The following UNC79 variants were observed in gnomAD, a reference collection of about 807,000 sequenced individuals.
UNC79 encodes protein unc-79 homolog.
A neutral mutation model predicts 283.1 loss-of-function variants in UNC79; 37 were observed. The observed-to-expected ratio is 0.13, with a 90% CI of 0.10 to 0.17. UNC79 has a LOEUF of 0.17. Ranked by LOEUF, UNC79 falls within the 10% of genes least tolerant of loss-of-function variation. The pLI, the probability that UNC79 is intolerant of heterozygous loss-of-function variation, is 1.00. For missense variants in UNC79, 2,272 were observed against 3,211.1 expected (o/e 0.71, Z 7.07); for synonymous variants, 1,107 against 1,200.2 (o/e 0.92, Z 1.61).
intron 26 of UNC79, 131 bp downstream of exon 26, chr14:93,603,549 A>G: frequency 8.9e-7 from 1 of 1,121,116 alleles, no homozygotes; most frequent in Non-Finnish European, 1.2e-6. Context: ...TTTGGCTTTC[A>G]GATTCCCTAG....
chr14:93,443,125 G>A (rs2140139646), intron 1 of UNC79, among the ~76,000 whole-genome samples: 1 of 152,170 alleles, frequency 6.6e-6, no homozygotes, highest in South Asian at 2.1e-4. Context: ...TCAGGAGGTT[G>A]AGGCAGGAGA....
At chr14:93,599,353 A>AGTGTGT (rs56758207) in intron 24 of UNC79, among the ~76,000 whole-genome samples, 108 of 148,100 alleles carry the variant, frequency 7.3e-4, no homozygotes, top group African/African-American at 2.5e-3. Context: ...CACATACTTA[A>AGTGTGT]GTGTGTGTGT....
intron 40 of UNC79, among the ~76,000 whole-genome samples, chr14:93,666,302 G>A (rs963646681): frequency 1.2e-4 from 18 of 152,166 alleles, no homozygotes; most frequent in East Asian, 3.9e-4. Context: ...ATAAGCACAC[G>A]TAGGATGACA....
intron 1 of UNC79, among the ~76,000 whole-genome samples, chr14:93,371,851 C>A (rs559915842): frequency 1.8e-4 from 27 of 151,076 alleles, no homozygotes; most frequent in African/African-American, 5.3e-4. Flanking sequence ...AAAAAAAAAA[C>A]CAAAAAAAAC....
At chr14:93,572,508 A>G (rs1417383663) in intron 15 of UNC79, among the ~76,000 whole-genome samples, 185 bp from the exon 16 acceptor site, 1 of 152,236 alleles carries the variant, frequency 6.6e-6, no homozygotes, top group Non-Finnish European at 1.5e-5. Flanking sequence ...TATTTATAAG[A>G]TCTCTATTTC....
At chr14:93,525,243 G>C (rs537340935) in intron 8 of UNC79, among the ~76,000 whole-genome samples, 1 of 152,224 alleles carries the variant, frequency 6.6e-6, no homozygotes, top group African/African-American at 2.4e-5. Flanking sequence ...TCGGGAGTTT[G>C]AGCCCAGTCT....
intron 23 of UNC79, among the ~76,000 whole-genome samples, chr14:93,594,841 G>T (rs2064954331): frequency 6.6e-6 from 1 of 152,096 alleles, no homozygotes; most frequent in Admixed American, 6.5e-5. Flanking sequence ...GAACAGTTCT[G>T]TAGGTTTGTG....
exon 29 of UNC79, chr14:93,618,207 T>A (rs766730037): frequency 1.4e-5 from 22 of 1,613,312 alleles, no homozygotes; most frequent in Non-Finnish European, 1.9e-5. Context: ...ATACCGAGAC[T>A]GTGATATCAG....
At chr14:93,558,262 T>A (rs2062298430) in intron 14 of UNC79, among the ~76,000 whole-genome samples, 1 of 152,142 alleles carries the variant, frequency 6.6e-6, no homozygotes, top group African/African-American at 2.4e-5. Context: ...TTCTCATTAA[T>A]CAAAACCTTG....
intron 1 of UNC79, among the ~76,000 whole-genome samples, chr14:93,399,598 C>A (rs951920268): frequency 6.6e-6 from 1 of 152,126 alleles, no homozygotes; most frequent in African/African-American, 2.4e-5. Context: ...GGCACTGTGC[C>A]AAGCACTTTA....
chr14:93,481,751 A>G (rs1396559782), intron 4 of UNC79, among the ~76,000 whole-genome samples: 3 of 152,250 alleles, frequency 2.0e-5, no homozygotes, highest in Non-Finnish European at 4.4e-5. Flanking sequence ...TAACACATAG[A>G]AAAAACAGTA....
chr14:93,676,083 A>T (rs1349822022), intron 41 of UNC79, among the ~76,000 whole-genome samples: 1 of 152,090 alleles, frequency 6.6e-6, no homozygotes, highest in Non-Finnish European at 1.5e-5. Context: ...TTGAGACAAG[A>T]TGTTGCTCTG....
At chr14:93,410,748 G>A (rs1053125298) in intron 1 of UNC79, among the ~76,000 whole-genome samples, 4 of 152,086 alleles carry the variant, frequency 2.6e-5, no homozygotes, top group African/African-American at 9.7e-5. Context: ...ACCCAGTCCT[G>A]GCAGTACCCA....
chr14:93,480,898 A>G lies in UNC79; in HGVS notation c.619+3170A>G, dbSNP rs530066427. Among the ~76,000 whole-genome samples the G allele has an allele frequency of 3.9e-5, 6 of 152,286 alleles. No individual in the cohort carries two copies. The South Asian group carries it at 1.2e-3, about 32-fold the overall frequency. On this transcript the variant is annotated intron_variant, in intron 4 of 48. Transcript: ENST00000555664. ...CTGAGTACTTGATAAAGTCTTTAAG[A>G]CAAAAAGGCTTTTTGGTGTGGTGTT...
chr14:93,443,463 G>A (rs534870405), intron 1 of UNC79, among the ~76,000 whole-genome samples: 61 of 137,248 alleles, frequency 4.4e-4, no homozygotes, highest in African/African-American at 1.3e-3. Flanking sequence ...TTGCTCTGTC[G>A]CCCAGGCTAG....
At chr14:93,594,075 C>T (rs1454090602) in intron 23 of UNC79, among the ~76,000 whole-genome samples, 1 of 152,146 alleles carries the variant, frequency 6.6e-6, no homozygotes, top group Non-Finnish European at 1.5e-5. Flanking sequence ...CCAGCTTATG[C>T]CTGTTACCCA....
At chr14:93,692,835 G>T (rs559662925) in intron 46 of UNC79, among the ~76,000 whole-genome samples, 1 of 152,304 alleles carries the variant, frequency 6.6e-6, no homozygotes, top group East Asian at 1.9e-4. Context: ...GGAGTCCTTT[G>T]GTTCTGACTG....
chr14:93,431,405 G>A (rs1254865195), intron 1 of UNC79, among the ~76,000 whole-genome samples: 1 of 151,956 alleles, frequency 6.6e-6, no homozygotes, highest in Non-Finnish European at 1.5e-5. Flanking sequence ...GGGGGAAGGG[G>A]GGTAGCGGCA....
intron 7 of UNC79, among the ~76,000 whole-genome samples, chr14:93,522,151 G>A (rs1445671821): frequency 6.6e-6 from 1 of 151,962 alleles, no homozygotes; most frequent in Admixed American, 6.6e-5. Flanking sequence ...ATTTATTTCT[G>A]GCAGAATAGA....
Sources: allele counts gnomAD v4.1 joint callset (sites outside exome capture counted in the v4.1 genomes callset), GRCh38; gene constraint gnomAD v4.1.1; transcripts MANE v1.5; gene names NCBI Gene and HGNC (gene_info 2026-07-23, HGNC 2026-07-21).